Variants in CSPP1 observed in about 807,000 individuals in gnomAD.
The protein encoded by CSPP1 is centrosome and spindle pole-associated protein 1.
In CSPP1, 126 loss-of-function variants were observed where a neutral mutation model predicts 164.4. The ratio of observed to expected loss-of-function variants is 0.77; its 90% CI spans 0.66 to 0.89. The LOEUF is 0.89. CSPP1 is among the 40% of genes least tolerant of loss of function. CSPP1 has a pLI of 0.00. For synonymous variants in CSPP1, 472 were observed against 476.7 expected (o/e 0.99, Z 0.13); for missense variants, 1,395 against 1,449.8 (o/e 0.96, Z 0.61).
chr8:67,146,096 T>C (rs968352607), intron 17 of CSPP1, among the ~76,000 whole-genome samples: 2 of 151,910 alleles, frequency 1.3e-5, no homozygotes, highest in South Asian at 4.1e-4. Context: ...TAGTTTGTAT[T>C]CTGTTTTGTA....
chr8:67,116,185 A>G, intron 13 of CSPP1, 63 bp downstream of exon 13: 1 of 1,149,916 alleles, frequency 8.7e-7, no homozygotes. Context: ...TTATGTTTAG[A>G]AGGATATACT....
intron 8 of CSPP1, among the ~76,000 whole-genome samples, chr8:67,104,964 ATATTTTTT>A (rs1376182425): frequency 3.7e-5 from 3 of 81,422 alleles, no homozygotes; most frequent in African/African-American, 1.7e-4. Context: ...ATATATATAT[ATATTTTTT>A]TTTTTTTTTT....
At chr8:67,091,584 TCCCTTTCAGGGA>T in intron 4 of CSPP1, among the ~76,000 whole-genome samples, 1 of 152,322 alleles carries the variant, frequency 6.6e-6, no homozygotes, top group East Asian at 1.9e-4. Flanking sequence ...GGCCTGATTT[TCCCTTTCAGGGA>T]GTTGTTGATT....
chr8:67,079,401 TCTC>T (rs1335728011), intron 3 of CSPP1, among the ~76,000 whole-genome samples: 2 of 152,200 alleles, frequency 1.3e-5, no homozygotes, highest in Non-Finnish European at 2.9e-5. Flanking sequence ...ATTCCTGTCT[TCTC>T]CTGTCTCCTA....
At chr8:67,188,053 G>A (rs1468453574) in intron 28 of CSPP1, among the ~76,000 whole-genome samples, 1 of 152,290 alleles carries the variant, frequency 6.6e-6, no homozygotes, top group East Asian at 1.9e-4. Flanking sequence ...TTTAAAACCT[G>A]CTCTGCTCTA....
In CSPP1 at chr8:67,160,126, C is replaced by T. The variant is rs140730811; in HGVS notation, c.2538+989C>T. The stretch of plus-strand genomic sequence containing the variant: ...CAAATTTTTGGGCTCAAGTTATCCT[C>T]CTGCCTCAGCCTCCCAAAGTGGTGG... On this transcript the variant is annotated intron_variant, in intron 21 of 30. Coordinates refer to ENST00000678616, the MANE Select transcript of CSPP1 (RefSeq NM_001382391.1). 7.3e-4 allele frequency among the ~76,000 whole-genome samples: 108 copies of T among 147,906 alleles called. 1 individual carries two copies. Among genetic ancestry groups the T allele is most frequent in the African/African-American group, 2.6e-3 (103 of 39,646 alleles).
At chr8:67,101,653 A>G (rs975331517) in intron 7 of CSPP1, among the ~76,000 whole-genome samples, 1 of 152,216 alleles carries the variant, frequency 6.6e-6, no homozygotes, top group African/African-American at 2.4e-5. Flanking sequence ...CATAGTTACT[A>G]AGATTAAAAT....
rs529546211 is a variant in CSPP1 at position 67,151,541 on chromosome 8, C to A, written c.2128+1606C>A. ...GTAATAACACTTTTTAGCCATCTAG[C>A]TTTGCACACCAAGCAAAAACACCAG... On this transcript the variant is annotated intron_variant, in intron 18 of 30. Coordinates refer to ENST00000678616, the MANE Select transcript of CSPP1 (RefSeq NM_001382391.1). Among the ~76,000 whole-genome samples, 3 of 152,256 alleles carry A rather than the reference C, an allele frequency of 2.0e-5. No individual in the cohort carries two copies. In the East Asian group the frequency reaches 5.8e-4, roughly 29 times the overall value.
At chr8:67,137,829 G>A (rs374766063) in intron 17 of CSPP1, among the ~76,000 whole-genome samples, 3 of 152,138 alleles carry the variant, frequency 2.0e-5, no homozygotes, top group East Asian at 3.9e-4. Flanking sequence ...TTCATCCTCC[G>A]ATGTTGATAA....
Position 67,149,819 on chromosome 8 carries a change from C to A in CSPP1, c.2012C>A (p.Ala671Asp), listed in dbSNP as rs1309851980. The change falls in exon 18 of 31, where the codon GCC becomes GAC. Residue 671 changes from alanine to aspartate, a missense_variant. Transcript: ENST00000678616. ...LNRMHRQNID[A>D]YHNPDARTYE... ...AGGATGCACAGACAAAATATAGATG[C>A]CTACCATAACCCAGATGCAAGAACA... 1 of 1,597,226 alleles carries A rather than the reference C, an allele frequency of 6.3e-7. No homozygotes were observed. The highest frequency in any genetic ancestry group is 1.8e-5 in the Admixed American group (1 of 57,118).
chr8:67,147,339 C>T (rs992748385), intron 17 of CSPP1, among the ~76,000 whole-genome samples: 2 of 152,184 alleles, frequency 1.3e-5, no homozygotes, highest in Admixed American at 1.3e-4. Flanking sequence ...TCACCTTTTT[C>T]TGTGGTTTCA....
chr8:67,070,092 TAA>T (rs1441227022), intron 1 of CSPP1, among the ~76,000 whole-genome samples: 1 of 152,196 alleles, frequency 6.6e-6, no homozygotes, highest in Non-Finnish European at 1.5e-5. Flanking sequence ...TTGATTGTTT[TAA>T]ACATGAAAAC....
intron 13 of CSPP1, 85 bp downstream of exon 13, chr8:67,116,207 C>T (rs1817895031): frequency 9.5e-6 from 9 of 944,090 alleles, no homozygotes; most frequent in Non-Finnish European, 1.5e-5. Context: ...AAGCGGATGA[C>T]GTTATTCTTC....
At chr8:67,070,167 A>G (rs1806424898) in intron 1 of CSPP1, among the ~76,000 whole-genome samples, 1 of 152,046 alleles carries the variant, frequency 6.6e-6, no homozygotes, top group Admixed American at 6.6e-5. Flanking sequence ...TAGCAAATTA[A>G]AAATGGCTGA....
At chr8:67,102,887 C>A (rs1814446680) in intron 7 of CSPP1, 150 bp from the exon 8 acceptor site, 3 of 460,300 alleles carry the variant, frequency 6.5e-6, no homozygotes, top group Non-Finnish European at 3.9e-6. Context: ...CATACAAATT[C>A]TATTTAATTT....
chr8:67,144,191 T>G (rs1161708168), intron 17 of CSPP1, among the ~76,000 whole-genome samples: 1 of 152,232 alleles, frequency 6.6e-6, no homozygotes, highest in Non-Finnish European at 1.5e-5. Flanking sequence ...ATAATGTGGT[T>G]TCTTTACCCT....
At chr8:67,109,007 T>C (rs1372168626) in intron 9 of CSPP1, among the ~76,000 whole-genome samples, 1 of 152,260 alleles carries the variant, frequency 6.6e-6, no homozygotes, top group African/African-American at 2.4e-5. Context: ...CTGTATTGTT[T>C]GATCCCAGTT....
chr8:67,089,182 A>C (rs1388042325), intron 4 of CSPP1, among the ~76,000 whole-genome samples: 1 of 152,190 alleles, frequency 6.6e-6, no homozygotes, highest in Non-Finnish European at 1.5e-5. Context: ...AGAGTTATTA[A>C]AACAAACAAC....
chr8:67,065,463 A>G, intron 1 of CSPP1: 1 of 844,410 alleles, frequency 1.2e-6, no homozygotes, highest in Non-Finnish European at 1.4e-6. Context: ...GGAATTTATA[A>G]AAAGCCTAAA....
Sources: gnomAD v4.1 joint callset for allele counts (sites outside exome capture counted in the v4.1 genomes callset) on GRCh38, gnomAD v4.1.1 for gene constraint, MANE v1.5 for transcripts, NCBI Gene and HGNC (gene_info 2026-07-23, HGNC 2026-07-21) for gene names.